FSHR: variants seen among roughly 807,000 people sequenced by gnomAD.
FSHR encodes the protein follicle stimulating hormone receptor.
In FSHR, 46 loss-of-function variants were observed where a neutral mutation model predicts 52.1. That is an observed-to-expected ratio of 0.88 (90% CI 0.70 to 1.13). FSHR has a LOEUF of 1.13. Ranked by LOEUF, FSHR falls within the 50% of genes most tolerant of loss-of-function variation. FSHR has a pLI of 0.00. For missense variants in FSHR, 964 were observed against 834.6 expected (o/e 1.16, Z -1.91); for synonymous variants, 399 against 309.6 (o/e 1.29, Z -3.03).
intron 2 of FSHR, among the ~76,000 whole-genome samples, chr2:49,044,225 GT>G (rs1001180352): frequency 6.6e-6 from 1 of 152,138 alleles, no homozygotes; most frequent in Admixed American, 6.6e-5. Flanking sequence ...GTGATATGCT[GT>G]TTTTTTCTGA....
chr2:49,027,852 A>G (rs991605157), intron 2 of FSHR, among the ~76,000 whole-genome samples: 20 of 144,804 alleles, frequency 1.4e-4, no homozygotes, highest in Admixed American at 9.0e-4. Flanking sequence ...TCTTTCTCCA[A>G]AAAAAAAAAA....
intron 2 of FSHR, among the ~76,000 whole-genome samples, chr2:49,027,841 C>T (rs1280643699): frequency 7.7e-6 from 1 of 129,494 alleles, no homozygotes; most frequent in Non-Finnish European, 1.6e-5. Context: ...CAGAGTGAGA[C>T]TCTTTCTCCA....
intron 2 of FSHR, among the ~76,000 whole-genome samples, chr2:49,044,844 A>G (rs1317231603): frequency 6.6e-6 from 1 of 152,150 alleles, no homozygotes; most frequent in Non-Finnish European, 1.5e-5. Flanking sequence ...CTTCCCTGAG[A>G]TACAGTTTTT....
At position 49,017,524 on chromosome 2, in the gene FSHR, A is replaced by G. The variant is rs200915059; in HGVS notation, c.339T>C (p.Pro113=). ...EKANNLLYIN[P]EAFQNLPNLQ... ...GGTTGGGAAGGTTCTGGAAGGCCTC[A>G]GGGTTGATGTAGAGCAGGTTGTTGG... The change falls in exon 4 of 10, where the codon CCT becomes CCC. Residue 113 remains proline, a synonymous_variant. Coordinates refer to ENST00000406846, the MANE Select transcript of FSHR (RefSeq NM_000145.4). 1 of 1,613,564 alleles carries G rather than the reference A, an allele frequency of 6.2e-7. No individual in the cohort carries two copies. The highest frequency in any genetic ancestry group is 8.5e-7 in the Non-Finnish European group (1 of 1,179,646).
At chr2:48,971,890 C>G (rs1464941304) in intron 8 of FSHR, among the ~76,000 whole-genome samples, 1 of 152,168 alleles carries the variant, frequency 6.6e-6, no homozygotes, top group African/African-American at 2.4e-5. Flanking sequence ...CCTCCATGAC[C>G]TCCAACTTTA....
chr2:49,002,217 C>G (rs551767463), intron 4 of FSHR, among the ~76,000 whole-genome samples: 5 of 152,258 alleles, frequency 3.3e-5, no homozygotes, highest in Admixed American at 2.0e-4. Context: ...GCCCGTATCA[C>G]CCAGCAATAC....
intron 8 of FSHR, among the ~76,000 whole-genome samples, chr2:48,978,919 C>T (rs955545699): frequency 2.0e-5 from 3 of 152,188 alleles, no homozygotes; most frequent in African/African-American, 2.4e-5. Flanking sequence ...CTTAGAATTC[C>T]TTGCATATAT....
chr2:49,038,631 ATAAT>A lies in FSHR; in HGVS notation c.225-18475_225-18472del, dbSNP rs1558404944. ...CAGAGCAAGACTCTGTCTCAAAATAATAATAATAATAATAATAATAATAATAATA... is the reference window on the plus strand; with the variant it reads ...CAGAGCAAGACTCTGTCTCAAAATAAAATAATAATAATAATAATAATAATA... On this transcript the variant is annotated intron_variant, in intron 2 of 9. Transcript: ENST00000406846. 4.3e-3 allele frequency among the ~76,000 whole-genome samples: 424 copies of A among 99,588 alleles called. 39 individuals carry two copies. Among genetic ancestry groups the A allele is most frequent in the Non-Finnish European group, 5.9e-3 (290 of 49,498 alleles). 65.3% of individuals were successfully genotyped at this position (99,588 alleles called of 152,430 possible).
At chr2:48,978,461 GTT>G (rs1675091024) in intron 8 of FSHR, among the ~76,000 whole-genome samples, 1 of 152,246 alleles carries the variant, frequency 6.6e-6, no homozygotes, top group South Asian at 2.1e-4. Flanking sequence ...ATAACTCAGT[GTT>G]TGAATCTGAA....
At chr2:49,021,863 C>CTCTCTATATA (rs1467766420) in intron 2 of FSHR, among the ~76,000 whole-genome samples, 5 of 49,860 alleles carry the variant, frequency 1.0e-4, no homozygotes, top group South Asian at 1.0e-3. Flanking sequence ...CTCTCTCTCT[C>CTCTCTATATA]TATATATATA....
At chr2:49,035,691 C>T (rs1388391774) in intron 2 of FSHR, among the ~76,000 whole-genome samples, 2 of 152,228 alleles carry the variant, frequency 1.3e-5, no homozygotes, top group African/African-American at 4.8e-5. Context: ...TATTTTGGCT[C>T]TCTCAGGAAT....
In FSHR at chr2:49,055,742, A is replaced by G. The variant is rs1398879205; in HGVS notation, c.224+12477T>C. 3.9e-5 allele frequency among the ~76,000 whole-genome samples: 6 copies of G among 152,104 alleles called. No homozygotes were observed. In the East Asian group the frequency reaches 9.6e-4, roughly 24 times the overall value. On this transcript the variant is annotated intron_variant, in intron 2 of 9. Transcript: ENST00000406846. The stretch of plus-strand genomic sequence containing the variant: ...GCACAAACATTACAGGCCAGGGGAG[A>G]ATAGGATGATATATTCAAAGTACTA...
intron 2 of FSHR, among the ~76,000 whole-genome samples, chr2:49,023,093 A>G (rs1667795493): frequency 6.6e-6 from 1 of 152,092 alleles, no homozygotes; most frequent in East Asian, 1.9e-4. Context: ...GCAGAGTGTG[A>G]TAGAGGAGCT....
intron 2 of FSHR, among the ~76,000 whole-genome samples, chr2:49,064,516 A>C (rs533840564): frequency 1.3e-4 from 20 of 152,082 alleles, no homozygotes; most frequent in African/African-American, 4.8e-4. Context: ...GATGCTGGAG[A>C]CTTGATTTTG....
intron 2 of FSHR, among the ~76,000 whole-genome samples, chr2:49,042,213 C>T (rs941176091): frequency 1.3e-5 from 2 of 152,154 alleles, no homozygotes; most frequent in Non-Finnish European, 1.5e-5. Context: ...TCCAGAGATG[C>T]TTTTGAAAAC....
chr2:49,004,937 T>A (rs913857730), intron 4 of FSHR, among the ~76,000 whole-genome samples: 32 of 152,296 alleles, frequency 2.1e-4, no homozygotes, highest in African/African-American at 7.5e-4. Context: ...GATGGTCACC[T>A]ATGTGCTATT....
Position 49,049,702 on chromosome 2 carries a change from T to C in FSHR, c.224+18517A>G, listed in dbSNP as rs1241121791. On this transcript the variant is annotated intron_variant, in intron 2 of 9. Coordinates refer to ENST00000406846, the MANE Select transcript of FSHR (RefSeq NM_000145.4). Reference sequence around the variant, plus strand: ...CCAAGGAAATCCCACTCTAACCTCATGGATAAAGCGTAAGTGACTGAGGTG... The same window carrying C: ...CCAAGGAAATCCCACTCTAACCTCACGGATAAAGCGTAAGTGACTGAGGTG... Among the ~76,000 whole-genome samples, 3 of 152,154 alleles carry C rather than the reference T, an allele frequency of 2.0e-5. No homozygotes were observed. In the East Asian group the frequency reaches 5.8e-4, roughly 29 times the overall value.
chr2:49,152,226 T>C (rs1218439049), intron 1 of FSHR, among the ~76,000 whole-genome samples: 1 of 152,180 alleles, frequency 6.6e-6, no homozygotes, highest in East Asian at 1.9e-4. Flanking sequence ...AAGTAAGGAA[T>C]TGACCTAGAG....
intron 5 of FSHR, among the ~76,000 whole-genome samples, chr2:48,990,063 A>G (rs1488592837): frequency 6.6e-6 from 1 of 151,878 alleles, no homozygotes; most frequent in Non-Finnish European, 1.5e-5. Flanking sequence ...TTACAATTTC[A>G]CTATTGGGAA....
Sources: gnomAD v4.1 joint callset for allele counts (sites outside exome capture counted in the v4.1 genomes callset) on GRCh38, gnomAD v4.1.1 for gene constraint, MANE v1.5 for transcripts, NCBI Gene and HGNC (gene_info 2026-07-23, HGNC 2026-07-21) for gene names.